Variants in SLIT1 observed in about 807,000 individuals in gnomAD.
SLIT1 encodes the protein slit guidance ligand 1, also known as slit homolog 1 protein.
SLIT1 carries 66 observed loss-of-function variants against 186.1 expected under a neutral mutation model. The ratio of observed to expected loss-of-function variants is 0.35; its 90% CI spans 0.29 to 0.44. The LOEUF (loss-of-function observed/expected upper bound fraction) is 0.44, where lower values mean the gene tolerates loss of function less well. Ranked by LOEUF, SLIT1 falls within the 20% of genes least tolerant of loss-of-function variation. The probability of loss-of-function intolerance (pLI) is 1.00; values close to 1 mark genes in which losing one functional copy is unlikely to be tolerated. For missense variants in SLIT1, 1,638 were observed against 2,037.4 expected (o/e 0.80, Z 3.77); for synonymous variants, 761 against 833.8 (o/e 0.91, Z 1.50).
chr10:97,034,397 G>C, intron 23 of SLIT1, 74 bp downstream of exon 23: 1 of 1,106,816 alleles, frequency 9.0e-7, no homozygotes, highest in African/African-American at 1.5e-5. Context: ...GGAGCAAAAA[G>C]CACAGGCTGG....
At chr10:97,061,468 C>G (rs1382333736) in intron 8 of SLIT1, among the ~76,000 whole-genome samples, 4 of 152,216 alleles carry the variant, frequency 2.6e-5, no homozygotes, top group Non-Finnish European at 5.9e-5. Context: ...CCTCCTGCCC[C>G]TTCCCCAAAG....
In SLIT1 at chr10:97,057,247, G is replaced by C. The variant is rs777130364; in HGVS notation, c.1120C>G (p.Arg374Gly). The change falls in exon 12 of 37, where the codon CGT becomes GGT. Residue 374 changes from arginine to glycine, a missense_variant. By Grantham distance (125) the Arg-to-Gly change is moderately radical. Around this residue, in one of 3 missense-constraint regions of SLIT1, gnomAD observed 1,245 missense variants for 1,535.3 expected, o/e 0.81. Transcript: ENST00000266058. The part of the protein sequence containing the change: ...LYGNKITDLP[R>G]GVFGGLYTLQ... ...GTGTATAGGCCTCCAAACACACCACGGGGGAGGTCTGTGATCTTGTTTCCA... is the reference window on the plus strand; with the variant it reads ...GTGTATAGGCCTCCAAACACACCACCGGGGAGGTCTGTGATCTTGTTTCCA... The C allele has an allele frequency of 1.2e-6, 2 of 1,613,932 alleles. No homozygotes were observed. The highest frequency in any genetic ancestry group is 8.5e-7 in the Non-Finnish European group (1 of 1,179,900).
At chr10:97,121,387 C>T (rs1202892397) in intron 4 of SLIT1, among the ~76,000 whole-genome samples, 1 of 152,156 alleles carries the variant, frequency 6.6e-6, no homozygotes, top group East Asian at 1.9e-4. Context: ...TCCCTTCAAA[C>T]ATGTGCAGAG....
Position 97,031,627 on chromosome 10 carries a change from C to G in SLIT1, c.2489G>C (p.Gly830Ala). 1 of 1,552,046 alleles carries G rather than the reference C, an allele frequency of 6.4e-7. No individual in the cohort carries two copies. The highest frequency in any genetic ancestry group is 8.7e-7 in the Non-Finnish European group (1 of 1,147,114). ...LQCIPPLAFQ[G>A]LRSLRLLSLH... ...TTACAGCAGGCGCAGGGAGCGGAGT[C>G]CCTGGAAGGCCAAAGGCGGGATGCA... Residue 830 changes from glycine to alanine, a missense_variant, in exon 24 of 37, where the codon GGA becomes GCA. By Grantham distance (60) the Gly-to-Ala change is moderately conservative (BLOSUM62 0). Transcript: ENST00000266058.
chr10:97,029,501 C>T (rs1848573614), intron 25 of SLIT1, among the ~76,000 whole-genome samples: 1 of 152,230 alleles, frequency 6.6e-6, no homozygotes, highest in African/African-American at 2.4e-5. Context: ...TATCCTGCCT[C>T]AGCCAGTAAT....
At chr10:97,053,519 T>TA (rs1848809571) in intron 13 of SLIT1, among the ~76,000 whole-genome samples, 3 of 152,166 alleles carry the variant, frequency 2.0e-5, no homozygotes, top group African/African-American at 2.4e-5. Context: ...ACTCAGCCTG[T>TA]TTGGAACCTA....
At chr10:97,086,715 G>A (rs1299399872) in intron 4 of SLIT1, among the ~76,000 whole-genome samples, 1 of 152,020 alleles carries the variant, frequency 6.6e-6, no homozygotes, top group African/African-American at 2.4e-5. Flanking sequence ...ATTATGGAGA[G>A]AGTAAAAAAA....
At chr10:97,119,913 G>GTGTATATATATATATATATA (rs1241836707) in intron 4 of SLIT1, among the ~76,000 whole-genome samples, 11 of 56,518 alleles carry the variant, frequency 1.9e-4, no homozygotes, top group Admixed American at 2.7e-4. Context: ...TTCCAAAGGG[G>GTGTATATATATATATATATA]TATATATATA....
chr10:97,037,609 G>C (rs766444230), intron 22 of SLIT1, 89 bp downstream of exon 22: 4 of 1,003,826 alleles, frequency 4.0e-6, no homozygotes, highest in Non-Finnish European at 4.7e-6. Context: ...CTGCCCAGAA[G>C]TGAGGTCCGT....
chr10:97,084,767 G>A (rs948149657), intron 4 of SLIT1, among the ~76,000 whole-genome samples: 1 of 151,424 alleles, frequency 6.6e-6, no homozygotes, highest in Non-Finnish European at 1.5e-5. Flanking sequence ...CACCACGCTT[G>A]GCTAATTTTT....
At chr10:97,112,324 C>T (rs1318893641) in intron 4 of SLIT1, among the ~76,000 whole-genome samples, 1 of 152,246 alleles carries the variant, frequency 6.6e-6, no homozygotes, top group African/African-American at 2.4e-5. Context: ...CCCCTCAGCA[C>T]CAGCTCTCTC....
In SLIT1 at chr10:97,010,182, T is replaced by TA. The variant is rs1848398504; in HGVS notation, c.3341+810dup. ...AAATGCCTATCAACTGATGAGTGGG[T>TA]AAACAAAATGTGGTATGTCCATACG... is the stretch of plus-strand genomic sequence containing the variant. On this transcript the variant is annotated intron_variant, in intron 31 of 36. Coordinates refer to ENST00000266058, the MANE Select transcript of SLIT1 (RefSeq NM_003061.3). This position sits in a 1 kb window ranked among gnomAD's most constrained non-coding sequence, Gnocchi z 4.8. 6.6e-6 allele frequency among the ~76,000 whole-genome samples: 1 copy of TA among 152,190 alleles called. No homozygotes were observed. The highest frequency in any genetic ancestry group is 1.9e-4 in the East Asian group (1 of 5,206).
chr10:97,008,319 A>G (rs772900706), intron 31 of SLIT1, among the ~76,000 whole-genome samples: 3 of 152,334 alleles, frequency 2.0e-5, no homozygotes, highest in South Asian at 2.1e-4. Context: ...GAAAACTACA[A>G]AATGTTGAAA....
intron 4 of SLIT1, among the ~76,000 whole-genome samples, chr10:97,118,112 C>T (rs1222388972): frequency 1.3e-5 from 2 of 152,108 alleles, no homozygotes; most frequent in Admixed American, 6.5e-5. Context: ...GGTGTCTGGC[C>T]CCATCACAGT....
intron 36 of SLIT1, 104 bp from the exon 37 acceptor site, chr10:97,001,454 G>A: frequency 1.2e-6 from 1 of 851,246 alleles, no homozygotes; most frequent in Admixed American, 2.2e-5. Context: ...AGCATCTGTG[G>A]GGTGGATCCT....
intron 4 of SLIT1, among the ~76,000 whole-genome samples, chr10:97,130,837 G>C (rs150579770): frequency 6.6e-6 from 1 of 152,204 alleles, no homozygotes; most frequent in Non-Finnish European, 1.5e-5. Context: ...TGTTTTTGAT[G>C]GGGGAGGGGG....
intron 2 of SLIT1, among the ~76,000 whole-genome samples, chr10:97,164,452 A>T (rs900722208): frequency 6.6e-6 from 1 of 152,196 alleles, no homozygotes; most frequent in Non-Finnish European, 1.5e-5. Context: ...GGGAAGCGGC[A>T]GAGGTTGGGG....
chr10:97,071,308 G>C (rs1848999099), intron 4 of SLIT1, among the ~76,000 whole-genome samples: 1 of 152,152 alleles, frequency 6.6e-6, no homozygotes, highest in Non-Finnish European at 1.5e-5. Flanking sequence ...GGAAGGAGTG[G>C]TGGCCTGAGG....
Position 97,077,146 on chromosome 10 carries a change from T to C in SLIT1, c.414-11060A>G, listed in dbSNP as rs528005129. Among the ~76,000 whole-genome samples, 5 of 152,222 alleles carry C rather than the reference T, an allele frequency of 3.3e-5. No individual in the cohort carries two copies. The East Asian group carries it at 9.6e-4, about 29-fold the overall frequency. ...AGCGAGACATGGTGATGTCTGCCTG[T>C]AGTCCTAGCTACTCGGAGGCTAAGG... On this transcript the variant is annotated intron_variant, in intron 4 of 36. Transcript: ENST00000266058.
Sources: gnomAD v4.1 joint callset for allele counts (sites outside exome capture counted in the v4.1 genomes callset) on GRCh38, gnomAD v4.1.1 for gene constraint, gnomAD v4.1.1 regional missense constraint, Gnocchi (gnomAD v3.1) non-coding constraint, MANE v1.5 for transcripts, NCBI Gene and HGNC (gene_info 2026-07-23, HGNC 2026-07-21) for gene names.